The following AFG2A variants were observed in gnomAD, a reference collection of about 807,000 sequenced individuals.
The protein encoded by AFG2A is AAA ATPase AFG2A, also known as ATPase family gene 2 protein homolog A.
the AFG2A span, among the ~76,000 whole-genome samples, chr4:123,109,162 A>G: frequency 6.6e-6 from 1 of 152,164 alleles, no homozygotes. Context: ...TGTTGTATTT[A>G]TGTTTTATCT....
At chr4:123,063,663 G>A in the AFG2A span, among the ~76,000 whole-genome samples, 45 of 152,042 alleles carry the variant, frequency 3.0e-4, 1 homozygote, top group African/African-American at 9.4e-4. Flanking sequence ...GGAGAATGGC[G>A]TGAACTCAGG....
the AFG2A span, among the ~76,000 whole-genome samples, chr4:123,201,677 G>A: frequency 6.6e-6 from 1 of 152,298 alleles, no homozygotes; most frequent in South Asian, 2.1e-4. Context: ...ACAGCACTCT[G>A]GGAGGCCAAG....
chr4:123,124,990 G>A, the AFG2A span, among the ~76,000 whole-genome samples: 2 of 152,056 alleles, frequency 1.3e-5, no homozygotes, highest in South Asian at 2.1e-4. Flanking sequence ...GAGTTCTTAC[G>A]AACACCTTTA....
At chr4:122,971,046 C>G in the AFG2A span, among the ~76,000 whole-genome samples, 1 of 152,052 alleles carries the variant, frequency 6.6e-6, no homozygotes, top group Admixed American at 6.6e-5. Context: ...CTTTGGCCTC[C>G]CAATAGAAAA....
chr4:123,155,236 C>T, the AFG2A span, among the ~76,000 whole-genome samples: 5 of 152,042 alleles, frequency 3.3e-5, no homozygotes, highest in East Asian at 9.6e-4. Context: ...AGGTGCACAC[C>T]ACCAGACCTG....
At chr4:122,930,961 C>CTT in the AFG2A span, among the ~76,000 whole-genome samples, 1 of 21,958 alleles carries the variant, frequency 4.6e-5, no homozygotes. Flanking sequence ...AATGTGGCAG[C>CTT]AGAGTATAGA....
the AFG2A span, among the ~76,000 whole-genome samples, chr4:123,275,614 T>C: frequency 6.6e-6 from 1 of 152,022 alleles, no homozygotes; most frequent in Non-Finnish European, 1.5e-5. Flanking sequence ...TCACGGTATC[T>C]GATAGGTATT....
the AFG2A span, among the ~76,000 whole-genome samples, chr4:123,074,504 CATTTT>C: frequency 2.1e-3 from 296 of 143,808 alleles, no homozygotes; most frequent in Middle Eastern, 4.1e-3. Context: ...ACCAGTCTTC[CATTTT>C]AAGAATCCTC....
chr4:123,133,892 A>G, the AFG2A span, among the ~76,000 whole-genome samples: 1 of 152,124 alleles, frequency 6.6e-6, no homozygotes, highest in African/African-American at 2.4e-5. Context: ...AGAGATATTG[A>G]GCACTTGTAT....
At chr4:122,931,318 TTTCTCTCTTG>T in the AFG2A span, among the ~76,000 whole-genome samples, 1 of 152,142 alleles carries the variant, frequency 6.6e-6, no homozygotes, top group African/African-American at 2.4e-5. Flanking sequence ...CCTCATTGTA[TTTCTCTCTTG>T]TTCTCTCTTT....
chr4:123,222,678 A>C, the AFG2A span, among the ~76,000 whole-genome samples: 1 of 152,160 alleles, frequency 6.6e-6, no homozygotes, highest in South Asian at 2.1e-4. Flanking sequence ...ATGCCTGTTG[A>C]TTAGTAACTC....
At chr4:122,996,570 C>CAGATAGATAGATAGATAGAT in the AFG2A span, among the ~76,000 whole-genome samples, 129 of 139,644 alleles carry the variant, frequency 9.2e-4, no homozygotes, top group East Asian at 1.3e-3. Context: ...GGTAGGTAGG[C>CAGATAGATAGATAGATAGAT]AGATAGATAG....
At chr4:123,231,104 C>T in the AFG2A span, among the ~76,000 whole-genome samples, 3 of 151,852 alleles carry the variant, frequency 2.0e-5, no homozygotes, top group Admixed American at 6.6e-5. Flanking sequence ...TGCATTAGCC[C>T]CCAACAAGAG....
chr4:123,209,480 T>C, the AFG2A span, among the ~76,000 whole-genome samples: 3 of 151,994 alleles, frequency 2.0e-5, no homozygotes, highest in Non-Finnish European at 4.4e-5. Context: ...ATCAGTGTTG[T>C]GTGTGAAAGT....
the AFG2A span, among the ~76,000 whole-genome samples, chr4:123,219,012 G>A: frequency 6.6e-6 from 1 of 152,170 alleles, no homozygotes; most frequent in Admixed American, 6.5e-5. Flanking sequence ...TTATTAGGGA[G>A]CACTGGCTCA....
chr4:123,233,231 C>T, the AFG2A span, among the ~76,000 whole-genome samples: 1 of 151,824 alleles, frequency 6.6e-6, no homozygotes, highest in African/African-American at 2.4e-5. Context: ...TAATATTTGG[C>T]TAGAGTTCCA....
the AFG2A span, among the ~76,000 whole-genome samples, chr4:123,225,055 G>T: frequency 2.0e-5 from 3 of 152,146 alleles, no homozygotes; most frequent in Non-Finnish European, 4.4e-5. Context: ...TGTTGATGGA[G>T]TTGTTTGTTT....
chr4:123,041,598 C>T, the AFG2A span, among the ~76,000 whole-genome samples: 2 of 151,926 alleles, frequency 1.3e-5, no homozygotes, highest in African/African-American at 4.8e-5. Context: ...ATGGCGTGAT[C>T]TCGGCTCACA....
chr4:123,132,885 A>C, the AFG2A span, among the ~76,000 whole-genome samples: 1 of 145,672 alleles, frequency 6.9e-6, no homozygotes, highest in African/African-American at 2.6e-5. Context: ...GGTTCACGCC[A>C]TTCTCCTGCC....
Sources: allele counts gnomAD v4.1 joint callset (sites outside exome capture counted in the v4.1 genomes callset), GRCh38; gene constraint gnomAD v4.1.1; transcripts MANE v1.5; gene names NCBI Gene and HGNC (gene_info 2026-07-23, HGNC 2026-07-21).